Variants in SLC24A4 observed in about 807,000 individuals in gnomAD.
SLC24A4 encodes solute carrier family 24 member 4, also known as sodium/potassium/calcium exchanger 4.
A neutral mutation model predicts 79.0 loss-of-function variants in SLC24A4; 53 were observed. That is an observed-to-expected ratio of 0.67 (90% CI 0.54 to 0.84). The LOEUF is 0.84. Among genes scored for constraint, SLC24A4 ranks in the 40% least tolerant of loss-of-function variants. The pLI, the probability that SLC24A4 is intolerant of heterozygous loss-of-function variation, is 0.00. For synonymous variants in SLC24A4, 323 were observed against 323.8 expected, an observed-to-expected ratio of 1.00 and a Z score of 0.03; for missense variants, 731 against 822.0, an observed-to-expected ratio of 0.89 and a Z score of 1.35.
intron 3 of SLC24A4, among the ~76,000 whole-genome samples, chr14:92,439,033 C>T (rs1490317966): frequency 6.6e-6 from 1 of 152,188 alleles, no homozygotes; most frequent in Non-Finnish European, 1.5e-5. Context: ...AATTGTGTGC[C>T]AGAAACCAAG....
At chr14:92,433,160 A>G (rs1036226346) in intron 2 of SLC24A4, among the ~76,000 whole-genome samples, 15 of 152,056 alleles carry the variant, frequency 9.9e-5, no homozygotes, top group African/African-American at 3.6e-4. Flanking sequence ...GTGGGTGGAG[A>G]TCTGAGAGTG....
chr14:92,350,980 A>G (rs1389621499), intron 2 of SLC24A4, among the ~76,000 whole-genome samples: 1 of 150,714 alleles, frequency 6.6e-6, no homozygotes, highest in East Asian at 1.9e-4. Context: ...GTAAGAAGTT[A>G]GCAATCTGCA....
intron 12 of SLC24A4, among the ~76,000 whole-genome samples, chr14:92,466,543 CA>C (rs1432201481): frequency 6.6e-6 from 1 of 152,068 alleles, no homozygotes; most frequent in African/African-American, 2.4e-5. Flanking sequence ...TTTAATGGTA[CA>C]AAAAAATAAT....
At chr14:92,403,079 G>T (rs937335732) in intron 2 of SLC24A4, among the ~76,000 whole-genome samples, 1 of 152,082 alleles carries the variant, frequency 6.6e-6, no homozygotes, top group African/African-American at 2.4e-5. Context: ...TGGCTTTCAG[G>T]TCCTGCAGAA....
chr14:92,372,882 T>TTCCTTCCC (rs1888252723), intron 2 of SLC24A4, among the ~76,000 whole-genome samples: 2 of 104,436 alleles, frequency 1.9e-5, no homozygotes, highest in Non-Finnish European at 4.3e-5. Context: ...CCTTCCTTCC[T>TTCCTTCCC]TCCTTCCTTC....
chr14:92,468,905 T>C (rs1304059785), intron 12 of SLC24A4, among the ~76,000 whole-genome samples: 1 of 81,734 alleles, frequency 1.2e-5, no homozygotes, highest in East Asian at 2.8e-4. Context: ...TGTGTGTGTG[T>C]GTGTGTGTGT....
At chr14:92,334,226 C>T (rs543270467) in intron 2 of SLC24A4, among the ~76,000 whole-genome samples, 9 of 152,206 alleles carry the variant, frequency 5.9e-5, no homozygotes, top group Non-Finnish European at 1.2e-4. Flanking sequence ...CAGTTCTATT[C>T]CTTTCCCAGA....
chr14:92,470,406 A>G (rs1459221236), intron 12 of SLC24A4, among the ~76,000 whole-genome samples: 1 of 152,196 alleles, frequency 6.6e-6, no homozygotes, highest in Non-Finnish European at 1.5e-5. Context: ...CTTAATTGGA[A>G]TGTGGAATTC....
intron 14 of SLC24A4, among the ~76,000 whole-genome samples, chr14:92,489,291 T>C (rs892779928): frequency 2.0e-4 from 31 of 151,832 alleles, no homozygotes; most frequent in African/African-American, 7.2e-4. Context: ...TAAAAAAAAT[T>C]AGCCAGGCGT....
At chr14:92,461,205 T>G (rs1893788870) in intron 12 of SLC24A4, among the ~76,000 whole-genome samples, 1 of 152,232 alleles carries the variant, frequency 6.6e-6, no homozygotes, top group Non-Finnish European at 1.5e-5. Context: ...GACTCTCTCC[T>G]GCGCCCGTAA....
intron 2 of SLC24A4, among the ~76,000 whole-genome samples, chr14:92,351,814 A>T (rs1886895188): frequency 6.6e-6 from 1 of 152,062 alleles, no homozygotes; most frequent in Admixed American, 6.6e-5. Context: ...CAGTGAGCCG[A>T]GACTGCACCA....
In SLC24A4 at chr14:92,449,090, C is replaced by G; in HGVS notation, c.754C>G (p.Gln252Glu). 1 of 1,614,154 alleles carries G rather than the reference C, an allele frequency of 6.2e-7. No homozygotes were observed. The highest frequency in any genetic ancestry group is 1.3e-5 in the African/African-American group (1 of 75,038). ...CGCTTCCAGGTACAATGTGAAGATGCAAGCCTTTTTCACAGTCAAACAAAA... is the reference window on the plus strand; with the variant it reads ...CGCTTCCAGGTACAATGTGAAGATGGAAGCCTTTTTCACAGTCAAACAAAA... ...ILIMKYNVKM[Q>E]AFFTVKQKSI... Residue 252 changes from glutamine (Q) to glutamate (E), a missense_variant, in exon 10 of 17, where the codon CAA (glutamine) becomes GAA (glutamate). Coordinates refer to ENST00000532405, the MANE Select transcript of SLC24A4 (RefSeq NM_153646.4).
intron 2 of SLC24A4, among the ~76,000 whole-genome samples, chr14:92,367,180 T>C (rs553049025): frequency 6.6e-6 from 1 of 152,340 alleles, no homozygotes; most frequent in African/African-American, 2.4e-5. Context: ...TCCTTTAATA[T>C]TGATCACCTA....
chr14:92,443,442 T>C lies in SLC24A4; in HGVS notation c.625T>C (p.Tyr209His). The C allele has an allele frequency of 6.2e-7, 1 of 1,614,188 alleles. No homozygotes were observed. Among genetic ancestry groups the C allele is most frequent in the Non-Finnish European group, 8.5e-7 (1 of 1,180,016 alleles). ...TWWAVCRDSV[Y>H]YTISVIVLIV... ...GTGGGCCGTGTGCCGAGACTCCGTGTACTACACCATCTCTGTCATCGTGCT... is the reference window on the plus strand; with the variant it reads ...GTGGGCCGTGTGCCGAGACTCCGTGCACTACACCATCTCTGTCATCGTGCT... The change falls in exon 7 of 17, where the codon TAC (tyrosine) becomes CAC (histidine). Residue 209 changes from tyrosine (Y) to histidine (H), a missense_variant. By Grantham distance (83) the Tyr-to-His change is moderately conservative. Coordinates refer to ENST00000532405, the MANE Select transcript of SLC24A4 (RefSeq NM_153646.4).
chr14:92,377,966 G>T (rs1888612324), intron 2 of SLC24A4, among the ~76,000 whole-genome samples: 1 of 151,954 alleles, frequency 6.6e-6, no homozygotes, highest in Non-Finnish European at 1.5e-5. Flanking sequence ...GAAGGTCTGG[G>T]GGTGGGAGGA....
At chr14:92,457,038 C>T (rs781596837) in intron 12 of SLC24A4, among the ~76,000 whole-genome samples, 4 of 152,228 alleles carry the variant, frequency 2.6e-5, no homozygotes, top group Non-Finnish European at 5.9e-5. Context: ...ACAGGAGATT[C>T]TAAGGCCACA....
Position 92,323,624 on chromosome 14 carries a change from CTG to C in SLC24A4, c.-206_-205del, listed in dbSNP as rs980747518. ...CAGCGCGCACGCGGCGCGCGGGACT[CTG>C]AGCTCCGGCCGCGTCGCGCGTCCCC... On this transcript the variant is annotated 5_prime_UTR_variant, in exon 1 of 17. The change abolishes the stop of an existing upstream ORF in the 5' untranslated region. Transcript: ENST00000532405. This position sits in a 1 kb window ranked among gnomAD's most constrained non-coding sequence, Gnocchi z 4.9. 28 of 514,488 alleles carry C rather than the reference CTG, an allele frequency of 5.4e-5. No individual in the cohort carries two copies. In the Admixed American group the frequency reaches 9.5e-4, roughly 17 times the overall value. 31.9% of individuals were successfully genotyped at this position (514,488 alleles called of 1,614,324 possible).
chr14:92,359,569 C>T (rs1321589589), intron 2 of SLC24A4, among the ~76,000 whole-genome samples: 1 of 151,870 alleles, frequency 6.6e-6, no homozygotes, highest in Non-Finnish European at 1.5e-5. Context: ...ATTACACTCC[C>T]ACCCGGGGGA....
At chr14:92,429,271 T>A (rs1236325076) in intron 2 of SLC24A4, among the ~76,000 whole-genome samples, 1 of 152,176 alleles carries the variant, frequency 6.6e-6, no homozygotes, top group East Asian at 1.9e-4. Context: ...GTGATGGAAC[T>A]ATTCTGTCTG....
Sources: allele counts gnomAD v4.1 joint callset (sites outside exome capture counted in the v4.1 genomes callset), GRCh38; gene constraint gnomAD v4.1.1; non-coding constraint Gnocchi (gnomAD v3.1); transcripts MANE v1.5; gene names NCBI Gene and HGNC (gene_info 2026-07-23, HGNC 2026-07-21).